ZBTB38: variants seen among roughly 807,000 people sequenced by gnomAD.
ZBTB38 encodes zinc finger and BTB domain containing 38.
Under a neutral mutation model 76.8 loss-of-function variants are expected in ZBTB38, and 20 were observed. The ratio of observed to expected loss-of-function variants is 0.26; its 90% CI spans 0.18 to 0.38. ZBTB38 has a LOEUF of 0.38. ZBTB38 is among the 10% of genes least tolerant of loss of function. The pLI is 1.00. For synonymous variants in ZBTB38, 504 were observed against 544.2 expected, an observed-to-expected ratio of 0.93 and a Z score of 1.03; for missense variants, 1,082 against 1,482.3, an observed-to-expected ratio of 0.73 and a Z score of 4.43.
At chr3:141,429,979 C>G (rs2077133070) in intron 5 of ZBTB38, among the ~76,000 whole-genome samples, 1 of 152,208 alleles carries the variant, frequency 6.6e-6, no homozygotes, top group Admixed American at 6.5e-5. Context: ...TGATTTTATC[C>G]TAAGATCAGG....
At chr3:141,354,202 C>T (rs1943597092) in intron 1 of ZBTB38, among the ~76,000 whole-genome samples, 1 of 152,082 alleles carries the variant, frequency 6.6e-6, no homozygotes, top group Admixed American at 6.5e-5. Context: ...TCATTACTAA[C>T]CTACAAAACC....
intron 2 of ZBTB38, among the ~76,000 whole-genome samples, chr3:141,371,114 A>G (rs1403182622): frequency 8.1e-6 from 1 of 123,492 alleles, no homozygotes; most frequent in Non-Finnish European, 1.6e-5. Context: ...GTGCATCGGC[A>G]TGATCTCAGT....
intron 5 of ZBTB38, among the ~76,000 whole-genome samples, chr3:141,422,018 C>T (rs73872723): frequency 0.024 from 3,642 of 152,280 alleles, 170 homozygotes; most frequent in African/African-American, 0.083. Flanking sequence ...AAAAAGCTGC[C>T]GCTGGGGAAG....
chr3:141,401,877 A>G (rs1577073596), intron 4 of ZBTB38, among the ~76,000 whole-genome samples: 1 of 152,208 alleles, frequency 6.6e-6, no homozygotes, highest in Admixed American at 6.5e-5. Flanking sequence ...GGAAAAATCT[A>G]TCTAGGCCTC....
In ZBTB38 at chr3:141,442,074, GA is replaced by G. The variant is rs537247715; in HGVS notation, c.1-301del. 8.3e-4 allele frequency among the ~76,000 whole-genome samples: 108 copies of G among 130,688 alleles called. No homozygotes were observed. The highest frequency in any genetic ancestry group is 1.6e-3 in the African/African-American group (55 of 35,452). 85.7% of individuals were successfully genotyped at this position (130,688 alleles called of 152,430 possible). A position where few individuals can be genotyped will look rare whatever the true frequency, so the allele number is the denominator to read the frequency against. ...TGATGATGAGACCCTTAACATTTCA[GA>G]AAAAAAAAAAAAACCTCCTCCCCTC... On this transcript the variant is annotated intron_variant, in intron 5 of 5. Transcript: ENST00000321464. This position sits in a 1 kb window ranked among gnomAD's most constrained non-coding sequence, Gnocchi z 6.4.
chr3:141,433,031 A>G (rs986852728), intron 5 of ZBTB38, among the ~76,000 whole-genome samples: 3 of 152,212 alleles, frequency 2.0e-5, no homozygotes, highest in Non-Finnish European at 4.4e-5. Flanking sequence ...CTGGTTTTTC[A>G]GCCATGTTCA....
chr3:141,412,135 T>C (rs1411763320), intron 5 of ZBTB38, among the ~76,000 whole-genome samples: 1 of 152,220 alleles, frequency 6.6e-6, no homozygotes, highest in Admixed American at 6.5e-5. Flanking sequence ...TGAGGTTCCT[T>C]TGCTCAGAGA....
At chr3:141,350,018 A>G in intron 1 of ZBTB38, among the ~76,000 whole-genome samples, 1 of 152,232 alleles carries the variant, frequency 6.6e-6, no homozygotes, top group East Asian at 1.9e-4. Context: ...CAAAGAGGAC[A>G]AAAAGATAGA....
chr3:141,371,480 C>T (rs930989356), intron 2 of ZBTB38, among the ~76,000 whole-genome samples: 1 of 152,030 alleles, frequency 6.6e-6, no homozygotes, highest in Non-Finnish European at 1.5e-5. Flanking sequence ...GCTGAGACTA[C>T]AGGCATGTGT....
Position 141,444,522 on chromosome 3 carries a change from T to C in ZBTB38, c.2134T>C (p.Ser712Pro), listed in dbSNP as rs1425910335. The change falls in exon 6 of 6, where the codon TCT becomes CCT. Residue 712 changes from serine (S) to proline (P), a missense_variant. Physicochemically the swap from Ser to Pro is moderately conservative, Grantham distance 74 (BLOSUM62 -1). Transcript: ENST00000321464. This position sits in a 1 kb window ranked among gnomAD's most constrained non-coding sequence, Gnocchi z 5.1. ...CGCCTCTGTGATCAGCTACAGTGGC[T>C]CTGCACCCTCGGTCATTGTACACAG... is the stretch of plus-strand genomic sequence containing the variant. ...NAASVISYSG[S>P]APSVIVHSSQ... 1 of 1,614,200 alleles carries C rather than the reference T, an allele frequency of 6.2e-7. No homozygotes were observed.
intron 1 of ZBTB38, among the ~76,000 whole-genome samples, chr3:141,337,841 G>A (rs891435436): frequency 2.0e-5 from 3 of 152,126 alleles, no homozygotes; most frequent in African/African-American, 7.2e-5. Flanking sequence ...TGAGACTTGC[G>A]GAGATTACAT....
At chr3:141,418,508 A>G (rs1172588714) in intron 5 of ZBTB38, among the ~76,000 whole-genome samples, 2 of 152,178 alleles carry the variant, frequency 1.3e-5, no homozygotes, top group Non-Finnish European at 2.9e-5. Context: ...TCATCATCAT[A>G]GGAGCTGTCT....
rs554430030 is a variant in ZBTB38 at position 141,431,515 on chromosome 3, G to A, written c.1-10874G>A. On this transcript the variant is annotated intron_variant, in intron 5 of 5. Transcript: ENST00000321464. ...ATCCTGAGATGAACCCAAGGCACAC[G>A]AGCTACCCTGAAACACTGCTGCATT... is the stretch of plus-strand genomic sequence containing the variant. Among the ~76,000 whole-genome samples, 6 of 151,596 alleles carry A rather than the reference G, an allele frequency of 4.0e-5. No individual in the cohort carries two copies. The East Asian group carries it at 5.8e-4, about 15-fold the overall frequency.
At position 141,443,003 on chromosome 3, in the gene ZBTB38, G is replaced by C. The variant is rs747271528; in HGVS notation, c.615G>C (p.Arg205Ser). ...GAACAGCTAGCCTTTGCCTGGAGAG[G>C]ACGGACGTCTGCCACGAGGCAGAGC... Reference protein sequence around the residue: ...SMRTASLCLERTDVCHEAEPV... With the variant: ...SMRTASLCLESTDVCHEAEPV... Residue 205 changes from arginine to serine, a missense_variant, in exon 6 of 6, where the codon AGG (arginine) becomes AGC (serine). Around this residue, in one of 8 missense-constraint regions of ZBTB38, gnomAD observed 324 missense variants for 359.1 expected, o/e 0.90. Coordinates refer to ENST00000321464, the MANE Select transcript of ZBTB38 (RefSeq NM_001376113.1). This position sits in a 1 kb window ranked among gnomAD's most constrained non-coding sequence, Gnocchi z 5.6. 6.2e-7 allele frequency: 1 copy of C among 1,614,234 alleles called. No individual in the cohort carries two copies. Among genetic ancestry groups the C allele is most frequent in the Non-Finnish European group, 8.5e-7 (1 of 1,180,036 alleles).
intron 1 of ZBTB38, among the ~76,000 whole-genome samples, chr3:141,332,675 G>T (rs546220408): frequency 6.6e-6 from 1 of 152,164 alleles, no homozygotes; most frequent in African/African-American, 2.4e-5. Flanking sequence ...TGTTCCTGGC[G>T]CCCTTGGCTT....
intron 5 of ZBTB38, chr3:141,427,743 C>G (rs958816699): frequency 6.6e-6 from 1 of 152,484 alleles, no homozygotes; most frequent in African/African-American, 2.4e-5. Context: ...CAGTCTCATG[C>G]TGCACCCTGA....
In ZBTB38 at chr3:141,417,909, G is replaced by A. The variant is rs372301062; in HGVS notation, c.-1+13878G>A. Among the ~76,000 whole-genome samples, 8 of 152,298 alleles carry A rather than the reference G, an allele frequency of 5.3e-5. 1 individual carries two copies. Among genetic ancestry groups the A allele is most frequent in the Admixed American group, 4.6e-4 (7 of 15,304 alleles). On this transcript the variant is annotated intron_variant, in intron 5 of 5. Coordinates refer to ENST00000321464, the MANE Select transcript of ZBTB38 (RefSeq NM_001376113.1). The stretch of plus-strand genomic sequence containing the variant: ...CATGCCTGTAGTCTCAGCTACTCGG[G>A]AGGCTGAGGCAGGAGAATCATTTGA...
At chr3:141,380,928 A>G (rs905201060) in intron 2 of ZBTB38, among the ~76,000 whole-genome samples, 2 of 152,132 alleles carry the variant, frequency 1.3e-5, no homozygotes, top group Non-Finnish European at 2.9e-5. Flanking sequence ...CTCTCACATG[A>G]GGTGGATTTT....
chr3:141,341,283 C>A lies in ZBTB38; in HGVS notation c.-739+16827C>A, dbSNP rs186450013. The stretch of plus-strand genomic sequence containing the variant: ...TGTTAAACATAAAGTTATCACATGA[C>A]TCAGCAATTCCACTCCTAGGTATAT... On this transcript the variant is annotated intron_variant, in intron 1 of 7. Transcript: ENST00000509842. Among the ~76,000 whole-genome samples, 22 of 152,342 alleles carry A rather than the reference C, an allele frequency of 1.4e-4. No individual in the cohort carries two copies. In the East Asian group the frequency reaches 4.2e-3, roughly 29 times the overall value.
Sources: gnomAD v4.1 joint callset for allele counts (sites outside exome capture counted in the v4.1 genomes callset) on GRCh38, gnomAD v4.1.1 for gene constraint, gnomAD v4.1.1 regional missense constraint, Gnocchi (gnomAD v3.1) non-coding constraint, MANE v1.5 for transcripts, NCBI Gene and HGNC (gene_info 2026-07-23, HGNC 2026-07-21) for gene names.